RTN4IP1: variants seen among roughly 807,000 people sequenced by gnomAD.
RTN4IP1 encodes reticulon 4 interacting protein 1, also known as NAD(P)H oxidoreductase RTN4IP1, mitochondrial.
Under a neutral mutation model 46.6 loss-of-function variants are expected in RTN4IP1, and 32 were observed. The ratio of observed to expected loss-of-function variants is 0.69; its 90% confidence interval spans 0.52 to 0.92. RTN4IP1 has a LOEUF of 0.92. RTN4IP1 is among the 40% of genes least tolerant of loss of function. The pLI is 0.00. For missense variants in RTN4IP1, 424 were observed against 485.8 expected, an observed-to-expected ratio of 0.87 and a Z score of 1.20; for synonymous variants, 167 against 161.8, an observed-to-expected ratio of 1.03 and a Z score of -0.24.
chr6:106,608,177 T>C (rs1450818830), intron 4 of RTN4IP1, among the ~76,000 whole-genome samples: 4 of 152,192 alleles, frequency 2.6e-5, no homozygotes, highest in African/African-American at 7.2e-5. Context: ...TATTCTGTCA[T>C]TTGTGGCAAC....
intron 8 of RTN4IP1, 41 bp downstream of exon 8, chr6:106,583,287 A>G: frequency 2.0e-6 from 3 of 1,531,742 alleles, no homozygotes; most frequent in Non-Finnish European, 2.7e-6. Context: ...GGTGCTGTAG[A>G]AATACAAAGG....
At chr6:106,604,333 A>G (rs1267479690) in intron 4 of RTN4IP1, among the ~76,000 whole-genome samples, 1 of 152,220 alleles carries the variant, frequency 6.6e-6, no homozygotes, top group Non-Finnish European at 1.5e-5. Flanking sequence ...TGTTCCTTCT[A>G]GAAGGATTTA....
chr6:106,592,111 T>A, intron 6 of RTN4IP1, 53 bp downstream of exon 6: 2 of 1,578,344 alleles, frequency 1.3e-6, no homozygotes, highest in South Asian at 1.1e-5. Context: ...CAGACCTGCA[T>A]AATCAACTGT....
chr6:106,581,486 A>G (rs1463091994), intron 8 of RTN4IP1, among the ~76,000 whole-genome samples: 2 of 152,202 alleles, frequency 1.3e-5, no homozygotes, highest in African/African-American at 4.8e-5. Flanking sequence ...TCCACACAGA[A>G]GCAAGGACAC....
At chr6:106,595,817 A>ACACTGCCCCTCATAT (rs1196145522) in intron 5 of RTN4IP1, among the ~76,000 whole-genome samples, 4 of 152,116 alleles carry the variant, frequency 2.6e-5, no homozygotes, top group Admixed American at 6.5e-5. Context: ...TCACAAAATA[A>ACACTGCCCCTCATAT]CACTGCCCCT....
intron 4 of RTN4IP1, among the ~76,000 whole-genome samples, chr6:106,617,282 T>C (rs895022841): frequency 2.0e-5 from 3 of 152,246 alleles, no homozygotes; most frequent in Admixed American, 6.5e-5. Context: ...AAATGTGTCC[T>C]ACAGATCACA....
chr6:106,614,582 G>A (rs1186652045), intron 4 of RTN4IP1, among the ~76,000 whole-genome samples: 2 of 152,090 alleles, frequency 1.3e-5, no homozygotes, highest in African/African-American at 4.8e-5. Context: ...AGGAAGAAGT[G>A]GGGGCTTCTA....
intron 5 of RTN4IP1, among the ~76,000 whole-genome samples, chr6:106,594,355 A>G (rs1775732330): frequency 6.6e-6 from 1 of 152,110 alleles, no homozygotes; most frequent in Non-Finnish European, 1.5e-5. Flanking sequence ...TAAAAATACA[A>G]AAAAGTAGCT....
At chr6:106,574,534 T>C (rs1775172192) in intron 8 of RTN4IP1, among the ~76,000 whole-genome samples, 1 of 152,110 alleles carries the variant, frequency 6.6e-6, no homozygotes, top group South Asian at 2.1e-4. Flanking sequence ...GTTTTCAGGA[T>C]GCTGTTTACC....
intron 7 of RTN4IP1, chr6:106,583,670 A>G: frequency 2.5e-6 from 1 of 400,042 alleles, no homozygotes; most frequent in Non-Finnish European, 4.7e-6. Context: ...CTGTAACTGA[A>G]GAACAAGTAA....
At chr6:106,607,298 A>T (rs1776103411) in intron 4 of RTN4IP1, among the ~76,000 whole-genome samples, 1 of 152,134 alleles carries the variant, frequency 6.6e-6, no homozygotes, top group South Asian at 2.1e-4. Context: ...AAAAACTATT[A>T]GAAGAAAGCA....
At chr6:106,574,633 G>C (rs1338127740) in intron 8 of RTN4IP1, among the ~76,000 whole-genome samples, 2 of 152,200 alleles carry the variant, frequency 1.3e-5, no homozygotes, top group East Asian at 3.9e-4. Context: ...TAGGGGGTGG[G>C]GCAGAAAAAT....
In RTN4IP1 at chr6:106,587,835, G is replaced by C. The variant is rs368903260; in HGVS notation, c.834C>G (p.Gly278=). 2 of 1,612,836 alleles carry C rather than the reference G, an allele frequency of 1.2e-6. No homozygotes were observed. Among genetic ancestry groups the C allele is most frequent in the African/African-American group, 2.7e-5 (2 of 74,876 alleles). ...KPFDFILDNV[G]GSTETWAPDF... ...CTGGAGCCCATGTTTCAGTGGATCCGCCAACATTATCAAGGATAAAATCAA... is the reference window on the plus strand; with the variant it reads ...CTGGAGCCCATGTTTCAGTGGATCCCCCAACATTATCAAGGATAAAATCAA... Residue 278 remains glycine (G), a synonymous_variant, in exon 7 of 9, where the codon GGC becomes GGG. Coordinates refer to ENST00000369063, the MANE Select transcript of RTN4IP1 (RefSeq NM_032730.5).
intron 4 of RTN4IP1, among the ~76,000 whole-genome samples, chr6:106,618,468 C>G (rs1776403910): frequency 6.6e-6 from 1 of 152,158 alleles, no homozygotes; most frequent in Non-Finnish European, 1.5e-5. Context: ...CAGTAGCCAC[C>G]ATTTACTGAG....
intron 5 of RTN4IP1, among the ~76,000 whole-genome samples, chr6:106,594,537 A>T (rs73508206): frequency 6.6e-6 from 1 of 152,166 alleles, no homozygotes; most frequent in East Asian, 1.9e-4. Context: ...AAAAGAAAGA[A>T]AGAAAGAAAA....
chr6:106,597,973 A>G lies in RTN4IP1; in HGVS notation c.669+4901T>C, dbSNP rs1239759383. ...TGGTTTTCTGTTCTTGCGATAGTTTACTGAGAATGATGATTTCCAATTTCA... is the reference window on the plus strand; with the variant it reads ...TGGTTTTCTGTTCTTGCGATAGTTTGCTGAGAATGATGATTTCCAATTTCA... On this transcript the variant is annotated intron_variant, in intron 5 of 8. Transcript: ENST00000369063. Among the ~76,000 whole-genome samples the G allele has an allele frequency of 2.6e-5, 4 of 152,152 alleles. No homozygotes were observed. The East Asian group carries it at 7.7e-4, about 29-fold the overall frequency.
At chr6:106,627,141 GAAAAAAAAA>G (rs11387767) in intron 1 of RTN4IP1, among the ~76,000 whole-genome samples, 4 of 146,880 alleles carry the variant, frequency 2.7e-5, no homozygotes, top group Non-Finnish European at 6.0e-5. Flanking sequence ...AAAGGTAGGA[GAAAAAAAAA>G]AAGAGGATAA....
rs150389043 is a variant in RTN4IP1, at chr6:106,592,415, G to A, written c.670-115C>T. 3.8e-4 allele frequency: 411 copies of A among 1,088,584 alleles called. 3 individuals carry two copies. The African/African-American group carries it at 5.9e-3, about 16-fold the overall frequency. 67.4% of individuals were successfully genotyped at this position (1,088,584 alleles called of 1,614,324 possible). On this transcript the variant is annotated intron_variant, in intron 5 of 8. Transcript: ENST00000369063. ...TACATATATCAGACTAATCTCTAGAGAACTTTAAGTACGTCATCTTAACCA... is the reference window on the plus strand; with the variant it reads ...TACATATATCAGACTAATCTCTAGAAAACTTTAAGTACGTCATCTTAACCA...
upstream of RTN4IP1, chr6:106,629,820 A>G (rs1776777277): frequency 3.1e-6 from 4 of 1,272,996 alleles, no homozygotes; most frequent in Middle Eastern, 1.9e-4. Flanking sequence ...TGCTTCCTCT[A>G]GAACTGAGTG....
Sources: allele counts gnomAD v4.1 joint callset (sites outside exome capture counted in the v4.1 genomes callset), GRCh38; gene constraint gnomAD v4.1.1; transcripts MANE v1.5; gene names NCBI Gene and HGNC (gene_info 2026-07-23, HGNC 2026-07-21).